Variants in ACAP1 observed in about 807,000 individuals in gnomAD.
ACAP1 encodes ArfGAP with coiled-coil, ankyrin repeat and PH domains 1, also known as arf-GAP with coiled-coil, ANK repeat and PH domain-containing protein 1.
Under a neutral mutation model 98.8 loss-of-function variants are expected in ACAP1, and 45 were observed. The ratio of observed to expected loss-of-function variants is 0.46; its 90% CI spans 0.36 to 0.58. The LOEUF is 0.58. Among genes scored for constraint, ACAP1 ranks in the 20% least tolerant of loss-of-function variants. The pLI is 0.00. For synonymous variants in ACAP1, 362 were observed against 375.3 expected, an observed-to-expected ratio of 0.96 and a Z score of 0.41; for missense variants, 735 against 971.4, an observed-to-expected ratio of 0.76 and a Z score of 3.24.
In ACAP1 at chr17:7,348,419, C is replaced by A; in HGVS notation, c.1622C>A (p.Pro541His). ...GGRGRPRGQP[P>H]VPPKPSIRPR... ...CGGGGGCGCCCAAGGGGGCAGCCTC[C>A]TGTGCCCCCAAAGCCTTCCATCAGG... is the stretch of plus-strand genomic sequence containing the variant. Residue 541 changes from proline (P) to histidine (H), a missense_variant, in exon 17 of 22, where the codon CCT becomes CAT. Coordinates refer to ENST00000158762, the MANE Select transcript of ACAP1 (RefSeq NM_014716.4). 6.5e-7 allele frequency: 1 copy of A among 1,526,954 alleles called. No homozygotes were observed. The highest frequency in any genetic ancestry group is 1.4e-5 in the African/African-American group (1 of 72,232). 94.6% of individuals were successfully genotyped at this position (1,526,954 alleles called of 1,614,324 possible). A position where few individuals can be genotyped will look rare whatever the true frequency, so the allele number is the denominator to read the frequency against.
chr17:7,336,861 G>A lies in ACAP1; in HGVS notation c.53+74G>A, dbSNP rs1457337676. On this transcript the variant is annotated intron_variant, in intron 1 of 21. Transcript: ENST00000158762. ...CCCAGCACACACACACCTTTCCCCA[G>A]GCCAGGTCTCCTTCCAGGGAGCAGG... 1.6e-5 allele frequency: 25 copies of A among 1,532,390 alleles called. No individual in the cohort carries two copies. The Admixed American group carries it at 4.2e-4, about 26-fold the overall frequency. The allele number at this position is 1,532,390 out of a possible 1,614,324, so 94.9% of individuals were successfully genotyped here. A position where few individuals can be genotyped will look rare whatever the true frequency, so the allele number is the denominator to read the frequency against.
chr17:7,348,076 G>T, intron 15 of ACAP1, 51 bp from the exon 16 acceptor site: 1 of 1,610,972 alleles, frequency 6.2e-7, no homozygotes, highest in Non-Finnish European at 8.5e-7. Context: ...TCCCTGAGGA[G>T]TCACTCACCC....
rs1055232307 is a variant in ACAP1, at chr17:7,349,001, C to A, written c.1685C>A (p.Pro562His). The part of the protein sequence containing the change: ...PGSLRSKPEP[P>H]SEDLGSLHPG... Reference sequence around the variant, plus strand: ...AACCAAATCCCCCGAACAGAGCCCCCCTCTGAGGACCTGGGAAGCCTGCAC... The same window carrying A: ...AACCAAATCCCCCGAACAGAGCCCCACTCTGAGGACCTGGGAAGCCTGCAC... The change falls in exon 18 of 22, where the codon CCC becomes CAC. Residue 562 changes from proline to histidine, a missense_variant. Pro to His is a moderately conservative substitution (Grantham distance 77). This residue lies in a region of ACAP1 where 80 missense variants were observed against 64.4 expected (regional missense o/e 1.24). Coordinates refer to ENST00000158762, the MANE Select transcript of ACAP1 (RefSeq NM_014716.4). The A allele has an allele frequency of 1.5e-5, 24 of 1,612,882 alleles. No individual in the cohort carries two copies. The highest frequency in any genetic ancestry group is 2.7e-5 in the African/African-American group (2 of 74,846).
chr17:7,351,390 C>T lies in ACAP1; in HGVS notation c.2218C>T (p.Leu740=), dbSNP rs768643401. The change falls in exon 22 of 22, where the codon CTG becomes TTG. Residue 740 remains leucine, a synonymous_variant. Coordinates refer to ENST00000158762, the MANE Select transcript of ACAP1 (RefSeq NM_014716.4). ...LSRRSHDLHT[L] ...CCGTCGCAGTCATGACCTCCACACG[C>T]TGTGACCCGAGGCCCACGGGGCCCG... 7 of 1,611,030 alleles carry T rather than the reference C, an allele frequency of 4.3e-6. No individual in the cohort carries two copies. Among genetic ancestry groups the T allele is most frequent in the South Asian group, 3.3e-5 (3 of 90,758 alleles).
At position 7,350,436 on chromosome 17, in the gene ACAP1, CG is replaced by C. The variant is rs2073394504; in HGVS notation, c.2072+202del. On this transcript the variant is annotated intron_variant, in intron 20 of 21. Transcript: ENST00000158762. This position sits in a 1 kb window ranked among gnomAD's most constrained non-coding sequence, Gnocchi z 4.6. Reference sequence around the variant, plus strand: ...ACTGGGACGTGGAGTAGAAGGCAGGCGGGAGGGCGGGCAGGGTGCAAGGATG... The same window carrying C: ...ACTGGGACGTGGAGTAGAAGGCAGGCGGAGGGCGGGCAGGGTGCAAGGATG... 1 of 345,356 alleles carries C rather than the reference CG, an allele frequency of 2.9e-6. No individual in the cohort carries two copies. The highest frequency in any genetic ancestry group is 2.2e-5 in the African/African-American group (1 of 45,156). The allele number at this position is 345,356 out of a possible 1,614,324, so 21.4% of individuals were successfully genotyped here.
chr17:7,340,174 A>C (rs749079940), intron 2 of ACAP1, among the ~76,000 whole-genome samples: 1 of 152,124 alleles, frequency 6.6e-6, no homozygotes, highest in Non-Finnish European at 1.5e-5. Flanking sequence ...CAGGAAGCTA[A>C]GATTGGAGGA....
chr17:7,347,593 C>G (rs530947015), intron 14 of ACAP1: 22 of 531,440 alleles, frequency 4.1e-5, no homozygotes, highest in African/African-American at 4.0e-4. Flanking sequence ...CCTCGCCCCC[C>G]ACCTCAGTGT....
At position 7,351,345 on chromosome 17, in the gene ACAP1, G is replaced by C; in HGVS notation, c.2173G>C (p.Asp725His). Reference sequence around the variant, plus strand: ...CCGCGACTTCTCCCTCATGGCGTCAGACGACCCGGAGAAGCTGAGCCGTCG... The same window carrying C: ...CCGCGACTTCTCCCTCATGGCGTCACACGACCCGGAGAAGCTGAGCCGTCG... The part of the protein sequence containing the change: ...IFRDFSLMAS[D>H]DPEKLSRRSH... Residue 725 changes from aspartate (D) to histidine (H), a missense_variant, in exon 22 of 22, where the codon GAC becomes CAC. Physicochemically the swap from Asp to His is moderately conservative, Grantham distance 81 (BLOSUM62 -1). Transcript: ENST00000158762. 1.9e-6 allele frequency: 3 copies of C among 1,613,852 alleles called. No homozygotes were observed. Among genetic ancestry groups the C allele is most frequent in the Non-Finnish European group, 2.5e-6 (3 of 1,179,846 alleles).
At position 7,350,251 on chromosome 17, in the gene ACAP1, A is replaced by G. The variant is rs760509599; in HGVS notation, c.2072+14A>G. 2.3e-5 allele frequency: 37 copies of G among 1,610,024 alleles called. No homozygotes were observed. The highest frequency in any genetic ancestry group is 3.0e-5 in the Non-Finnish European group (35 of 1,176,804). ...CATCGTCACCCTGTAAGAATGCCTG[A>G]AGGGGCGGGGCTGGCGCTGGGACTC... On this transcript the variant is annotated intron_variant, in intron 20 of 21. Coordinates refer to ENST00000158762, the MANE Select transcript of ACAP1 (RefSeq NM_014716.4). The surrounding 1 kb of genome is among the most constrained non-coding windows in gnomAD (Gnocchi z 4.6).
At position 7,344,160 on chromosome 17, in the gene ACAP1, C is replaced by T; in HGVS notation, c.744+37C>T. ...GGTGCGGTGGCCCACGACCGTCATC[C>T]CAACATGTTGGGAGGCTGAGGTGGG... On this transcript the variant is annotated intron_variant, in intron 9 of 21. Coordinates refer to ENST00000158762, the MANE Select transcript of ACAP1 (RefSeq NM_014716.4). The surrounding 1 kb of genome is among the most constrained non-coding windows in gnomAD (Gnocchi z 4.9). 6.5e-7 allele frequency: 1 copy of T among 1,550,114 alleles called. No homozygotes were observed. The highest frequency in any genetic ancestry group is 8.7e-7 in the Non-Finnish European group (1 of 1,145,424).
chr17:7,347,792 C>A, intron 14 of ACAP1, 130 bp from the exon 15 acceptor site: 3 of 724,568 alleles, frequency 4.1e-6, no homozygotes, highest in Non-Finnish European at 7.2e-6. Context: ...AGCTGCCCTG[C>A]CTCCTGGGCC....
At chr17:7,342,219 C>T (rs1416064435) in intron 3 of ACAP1, 56 bp from the exon 4 acceptor site, 21 of 1,609,068 alleles carry the variant, frequency 1.3e-5, no homozygotes, top group Admixed American at 5.0e-5. Flanking sequence ...GGTCTCGAGT[C>T]GGGAGGGTGC....
Position 7,341,769 on chromosome 17 carries a change from G to C in ACAP1, c.112-179G>C, listed in dbSNP as rs548307760. On this transcript the variant is annotated intron_variant, in intron 2 of 21. Transcript: ENST00000158762. ...AGTGGGAGCAAAGACGCAGCGATAAGAACACAGCAGGTATGTGTTAGATAC... is the reference window on the plus strand; with the variant it reads ...AGTGGGAGCAAAGACGCAGCGATAACAACACAGCAGGTATGTGTTAGATAC... Among the ~76,000 whole-genome samples the C allele has an allele frequency of 2.6e-5, 4 of 152,342 alleles. No homozygotes were observed. The South Asian group carries it at 8.3e-4, about 32-fold the overall frequency.
chr17:7,346,913 C>A lies in ACAP1; in HGVS notation c.1113C>A (p.Ser371Arg). Residue 371 changes from serine (S) to arginine (R), a missense_variant, in exon 13 of 22, where the codon AGC (serine) becomes AGA (arginine). Ser to Arg is a moderately radical substitution (Grantham distance 110). Around this residue, in one of 5 missense-constraint regions of ACAP1, gnomAD observed 430 missense variants for 531.8 expected, o/e 0.81. Transcript: ENST00000158762. ...TCAGTCAGGCTCGCCTTGATGACAG[C>A]CCCCGGGGTCCAGGCCAGGTACCTT... ...SAFSQARLDD[S>R]PRGPGQGSGH... is the part of the protein sequence containing the mutation. The A allele has an allele frequency of 6.2e-7, 1 of 1,611,498 alleles. No individual in the cohort carries two copies. The highest frequency in any genetic ancestry group is 1.7e-5 in the Admixed American group (1 of 59,884).
At position 7,341,849 on chromosome 17, in the gene ACAP1, G is replaced by C. The variant is rs552342997; in HGVS notation, c.112-99G>C. On this transcript the variant is annotated intron_variant, in intron 2 of 21. Transcript: ENST00000158762. ...TGAGGCCAGGCAGGAATAGGGGAGCGCCGCCCTGGGCAAGGGGAGAGGAAG... is the reference window on the plus strand; with the variant it reads ...TGAGGCCAGGCAGGAATAGGGGAGCCCCGCCCTGGGCAAGGGGAGAGGAAG... 2.0e-5 allele frequency: 31 copies of C among 1,552,116 alleles called. No homozygotes were observed. In the East Asian group the frequency reaches 7.0e-4, roughly 35 times the overall value.
rs552196638 is a variant in ACAP1 at position 7,349,002 on chromosome 17, C to A, written c.1686C>A (p.Pro562=). ...ACCAAATCCCCCGAACAGAGCCCCCCTCTGAGGACCTGGGAAGCCTGCACC... is the reference window on the plus strand; with the variant it reads ...ACCAAATCCCCCGAACAGAGCCCCCATCTGAGGACCTGGGAAGCCTGCACC... ...PGSLRSKPEP[P]SEDLGSLHPG... is the part of the protein sequence containing the mutation. The change falls in exon 18 of 22, where the codon CCC becomes CCA. Residue 562 remains proline (P), a synonymous_variant. Transcript: ENST00000158762. 2 of 1,613,134 alleles carry A rather than the reference C, an allele frequency of 1.2e-6. No individual in the cohort carries two copies. Among genetic ancestry groups the A allele is most frequent in the South Asian group, 1.1e-5 (1 of 91,044 alleles).
chr17:7,337,957 A>G (rs762685298), intron 2 of ACAP1, among the ~76,000 whole-genome samples: 1 of 152,144 alleles, frequency 6.6e-6, no homozygotes, highest in African/African-American at 2.4e-5. Context: ...TTCTGCTCCC[A>G]CGGAGCCCAA....
Position 7,350,346 on chromosome 17 carries a change from G to C in ACAP1, c.2072+109G>C. The C allele has an allele frequency of 7.9e-6, 7 of 885,046 alleles. No homozygotes were observed. The South Asian group carries it at 1.2e-4, about 15-fold the overall frequency. The allele number at this position is 885,046 out of a possible 1,614,324, so 54.8% of individuals were successfully genotyped here. ...ACGCCGAAACAGAAGCCTGTGCTGT[G>C]GGGCCTCGGAAAGGGGCTGGGCCAG... On this transcript the variant is annotated intron_variant, in intron 20 of 21. Coordinates refer to ENST00000158762, the MANE Select transcript of ACAP1 (RefSeq NM_014716.4). This position sits in a 1 kb window ranked among gnomAD's most constrained non-coding sequence, Gnocchi z 4.6.
intron 1 of ACAP1, 44 bp from the exon 2 acceptor site, chr17:7,337,268 C>T: frequency 1.3e-6 from 2 of 1,595,880 alleles, no homozygotes; most frequent in Non-Finnish European, 1.7e-6. Flanking sequence ...GGCAGACAGA[C>T]CAGATGGACC....
Sources: allele counts gnomAD v4.1 joint callset (sites outside exome capture counted in the v4.1 genomes callset), GRCh38; gene constraint gnomAD v4.1.1; regional missense constraint gnomAD v4.1.1; non-coding constraint Gnocchi (gnomAD v3.1); transcripts MANE v1.5; gene names NCBI Gene and HGNC (gene_info 2026-07-23, HGNC 2026-07-21).